Variants in NAV2 observed in about 807,000 individuals in gnomAD.
NAV2 encodes helicase, APC down-regulated 1.
NAV2 carries 54 observed loss-of-function variants against 223.2 expected under a neutral mutation model. The ratio of observed to expected loss-of-function variants is 0.24; its 90% CI spans 0.19 to 0.30. The LOEUF (loss-of-function observed/expected upper bound fraction) is 0.30, where lower values mean the gene tolerates loss of function less well. Ranked by LOEUF, NAV2 falls within the 10% of genes least tolerant of loss-of-function variation. The pLI is 1.00. For missense variants in NAV2, 2,806 were observed against 3,147.5 expected (o/e 0.89, Z 2.60); for synonymous variants, 1,279 against 1,239.3 (o/e 1.03, Z -0.67).
intron 1 of NAV2, among the ~76,000 whole-genome samples, chr11:19,615,071 A>G (rs2046754246): frequency 6.6e-6 from 1 of 152,134 alleles, no homozygotes; most frequent in Non-Finnish European, 1.5e-5. Flanking sequence ...GAAGCTCAGA[A>G]TGGGTACTTT....
chr11:19,693,052 C>A (rs964613441), intron 1 of NAV2, among the ~76,000 whole-genome samples: 1 of 152,250 alleles, frequency 6.6e-6, no homozygotes, highest in Non-Finnish European at 1.5e-5. Context: ...CCTATCTAAC[C>A]AAAGGCTGGC....
chr11:19,688,010 G>A (rs1454698630), intron 1 of NAV2, among the ~76,000 whole-genome samples: 1 of 152,198 alleles, frequency 6.6e-6, no homozygotes, highest in Non-Finnish European at 1.5e-5. Context: ...CTCTAGCACT[G>A]CAATCATGCC....
intron 1 of NAV2, chr11:19,507,202 G>A (rs186237007): frequency 6.6e-6 from 1 of 152,300 alleles, no homozygotes; most frequent in East Asian, 1.9e-4. Context: ...TAGCAGTTAA[G>A]TGCAAATTTG....
In NAV2 at chr11:20,107,702, G is replaced by T; in HGVS notation, c.6880G>T (p.Gly2294Cys). Residue 2294 changes from glycine (G) to cysteine (C), a missense_variant, in exon 36 of 38, where the codon GGC (glycine) becomes TGC (cysteine). By Grantham distance (159) the Gly-to-Cys change is radical (BLOSUM62 -3). Transcript: ENST00000349880. Reference protein sequence around the residue: ...LFLSCPIDVDGSRVWFTDLWN... With the variant: ...LFLSCPIDVDCSRVWFTDLWN... ...CCTGTCATGCCCCATCGATGTGGACGGCTCGAGAGTGTGGTTCACCGACTT... is the reference window on the plus strand; with the variant it reads ...CCTGTCATGCCCCATCGATGTGGACTGCTCGAGAGTGTGGTTCACCGACTT... 6.2e-7 allele frequency: 1 copy of T among 1,614,134 alleles called. No homozygotes were observed. Among genetic ancestry groups the T allele is most frequent in the Non-Finnish European group, 8.5e-7 (1 of 1,180,020 alleles).
At chr11:19,788,297 C>A (rs2057285093) in intron 1 of NAV2, among the ~76,000 whole-genome samples, 2 of 152,158 alleles carry the variant, frequency 1.3e-5, no homozygotes. Flanking sequence ...TCCAGATGTC[C>A]CCGAGGGGGG....
intron 1 of NAV2, among the ~76,000 whole-genome samples, chr11:19,484,947 A>G (rs1300499739): frequency 6.6e-6 from 1 of 152,210 alleles, no homozygotes; most frequent in African/African-American, 2.4e-5. Flanking sequence ...CAGATGTAGA[A>G]CAATCCTCTA....
chr11:19,856,759 C>G (rs2152994678), intron 3 of NAV2, among the ~76,000 whole-genome samples: 1 of 151,138 alleles, frequency 6.6e-6, no homozygotes, highest in South Asian at 2.1e-4. Flanking sequence ...TTCTAGCCAT[C>G]ATCAGAGTAG....
chr11:19,596,505 A>G (rs139517850), intron 1 of NAV2, among the ~76,000 whole-genome samples: 169 of 152,246 alleles, frequency 1.1e-3, no homozygotes, highest in African/African-American at 3.9e-3. Flanking sequence ...ATCAGGATGG[A>G]GACGCAGTTC....
At chr11:19,908,179 G>A (rs1183155362) in intron 6 of NAV2, among the ~76,000 whole-genome samples, 1 of 152,200 alleles carries the variant, frequency 6.6e-6, no homozygotes, top group Non-Finnish European at 1.5e-5. Context: ...ATCATCAAAC[G>A]GCTAAGGTAG....
chr11:19,738,168 G>A (rs2052489791), intron 1 of NAV2, among the ~76,000 whole-genome samples: 3 of 152,248 alleles, frequency 2.0e-5, no homozygotes, highest in Admixed American at 2.0e-4. Context: ...TTATGGAGAG[G>A]TTGACACCTC....
intron 1 of NAV2, among the ~76,000 whole-genome samples, chr11:19,822,513 A>T (rs556668430): frequency 6.6e-6 from 1 of 152,292 alleles, no homozygotes; most frequent in African/African-American, 2.4e-5. Context: ...TAGTCCCAGG[A>T]TGTGGAAAAA....
rs941099242 is a variant in NAV2, at chr11:19,877,871, G to A, written c.512-1998G>A. Among the ~76,000 whole-genome samples the A allele has an allele frequency of 2.0e-5, 3 of 152,154 alleles. No homozygotes were observed. The South Asian group carries it at 6.2e-4, about 31-fold the overall frequency. On this transcript the variant is annotated intron_variant, in intron 4 of 37. Transcript: ENST00000349880. Reference sequence around the variant, plus strand: ...GGGCCTTTGTTTTCCCATAAGTAAAGTGAGTAGCCAGCTGAATTATTTCAT... The same window carrying A: ...GGGCCTTTGTTTTCCCATAAGTAAAATGAGTAGCCAGCTGAATTATTTCAT...
intron 1 of NAV2, among the ~76,000 whole-genome samples, chr11:19,427,335 G>C (rs1006641958): frequency 2.6e-5 from 4 of 152,170 alleles, no homozygotes; most frequent in Non-Finnish European, 4.4e-5. Context: ...CAATTGTGCT[G>C]GTCCTTCTTC....
chr11:19,766,680 C>T (rs1244008333), intron 1 of NAV2, among the ~76,000 whole-genome samples: 2 of 152,096 alleles, frequency 1.3e-5, no homozygotes, highest in Non-Finnish European at 2.9e-5. Flanking sequence ...GAGCATGGTG[C>T]CTCTCAGCTC....
chr11:19,714,432 G>C (rs1277325520), intron 1 of NAV2: 1 of 458,822 alleles, frequency 2.2e-6, no homozygotes, highest in Admixed American at 2.3e-5. Context: ...GATCCAGGAA[G>C]AAAAGGGGAT....
intron 1 of NAV2, among the ~76,000 whole-genome samples, chr11:19,434,422 T>C (rs780768239): frequency 6.6e-6 from 1 of 152,206 alleles, no homozygotes; most frequent in Non-Finnish European, 1.5e-5. Flanking sequence ...TGTTTTATTA[T>C]TGATAATTAG....
rs2042972863 is a variant in NAV2, at chr11:19,907,531, A to AGGTG, written c.931+14939_931+14940insTGGG. On this transcript the variant is annotated intron_variant, in intron 6 of 37. Coordinates refer to ENST00000349880, the MANE Select transcript of NAV2 (RefSeq NM_145117.5). ...TTCCCCCACTGCCACTCATAGGGGGAGGGGGAATTTGAGACAGAAGTATTG... is the reference window on the plus strand; with the variant it reads ...TTCCCCCACTGCCACTCATAGGGGGAGGTGGGGGGAATTTGAGACAGAAGTATTG... Among the ~76,000 whole-genome samples the AGGTG allele has an allele frequency of 7.2e-4, 23 of 31,952 alleles. No individual in the cohort carries two copies. In the South Asian group the frequency reaches 0.011, roughly 15 times the overall value. 21.0% of individuals were successfully genotyped at this position (31,952 alleles called of 152,430 possible).
chr11:19,992,968 A>G (rs892111653), intron 11 of NAV2, among the ~76,000 whole-genome samples: 1 of 152,150 alleles, frequency 6.6e-6, no homozygotes, highest in African/African-American at 2.4e-5. Flanking sequence ...TCATTGTTCA[A>G]AGTGTGGAGG....
chr11:19,391,702 G>T (rs901337297), intron 1 of NAV2, among the ~76,000 whole-genome samples: 2 of 152,176 alleles, frequency 1.3e-5, no homozygotes, highest in Admixed American at 1.3e-4. Context: ...GCAGGAACTG[G>T]GGGGGATGGA....
Sources: allele counts gnomAD v4.1 joint callset (sites outside exome capture counted in the v4.1 genomes callset), GRCh38; gene constraint gnomAD v4.1.1; transcripts MANE v1.5; gene names NCBI Gene and HGNC (gene_info 2026-07-23, HGNC 2026-07-21).